MAP2K5: variants seen among roughly 807,000 people sequenced by gnomAD.
MAP2K5 encodes the protein dual specificity mitogen-activated protein kinase kinase 5.
In MAP2K5, 49 loss-of-function variants were observed where a neutral mutation model predicts 83.1. The observed-to-expected ratio is 0.59, with a 90% CI of 0.47 to 0.75. The LOEUF (loss-of-function observed/expected upper bound fraction) is 0.75, where lower values mean the gene tolerates loss of function less well. Ranked by LOEUF, MAP2K5 falls within the 30% of genes least tolerant of loss-of-function variation. The probability of loss-of-function intolerance (pLI) is 0.00; values close to 1 mark genes in which losing one functional copy is unlikely to be tolerated. For synonymous variants in MAP2K5, 202 were observed against 191.8 expected (o/e 1.05, Z -0.44); for missense variants, 457 against 557.5 (o/e 0.82, Z 1.82).
At chr15:67,756,564 G>A (rs960697069) in intron 19 of MAP2K5, among the ~76,000 whole-genome samples, 8 of 41,818 alleles carry the variant, frequency 1.9e-4, no homozygotes, top group Non-Finnish European at 4.1e-4. Context: ...TGTGTGTGTT[G>A]ATAACACTTA....
At chr15:67,725,546 T>C (rs1474921913) in intron 16 of MAP2K5, among the ~76,000 whole-genome samples, 1 of 152,234 alleles carries the variant, frequency 6.6e-6, no homozygotes, top group East Asian at 1.9e-4. Flanking sequence ...AATTATTCCA[T>C]GGTCCCTGAT....
chr15:67,781,263 C>T lies in MAP2K5; in HGVS notation c.1242+8511C>T, dbSNP rs990682001. Among the ~76,000 whole-genome samples, 7 of 152,158 alleles carry T rather than the reference C, an allele frequency of 4.6e-5. No individual in the cohort carries two copies. The highest frequency in any genetic ancestry group is 1.4e-4 in the African/African-American group (6 of 41,430). On this transcript the variant is annotated intron_variant, in intron 21 of 21. Transcript: ENST00000178640. This position sits in a 1 kb window ranked among gnomAD's most constrained non-coding sequence, Gnocchi z 4.0. ...GATGCAGTTCTTATCAATTATTAACCAGTCTAACCAGGAATTTTAAGAGCT... is the reference window on the plus strand; with the variant it reads ...GATGCAGTTCTTATCAATTATTAACTAGTCTAACCAGGAATTTTAAGAGCT...
intron 4 of MAP2K5, among the ~76,000 whole-genome samples, chr15:67,582,252 G>A (rs1371261945): frequency 6.6e-6 from 1 of 151,876 alleles, no homozygotes; most frequent in African/African-American, 2.4e-5. Flanking sequence ...AGCAGAGACA[G>A]GGTTTTACCA....
chr15:67,805,879 C>T (rs546487293), intron 21 of MAP2K5, among the ~76,000 whole-genome samples: 1 of 152,326 alleles, frequency 6.6e-6, no homozygotes, highest in African/African-American at 2.4e-5. Context: ...TTTTTCTGAC[C>T]TTCCCTGGGA....
In MAP2K5 at chr15:67,728,985, G is replaced by C. The variant is rs916875117; in HGVS notation, c.1074+1040G>C. Among the ~76,000 whole-genome samples the C allele has an allele frequency of 3.9e-5, 6 of 152,220 alleles. No homozygotes were observed. The South Asian group carries it at 6.2e-4, about 16-fold the overall frequency. On this transcript the variant is annotated intron_variant, in intron 17 of 21. Coordinates refer to ENST00000178640, the MANE Select transcript of MAP2K5 (RefSeq NM_145160.3). ...TTTGCTTTCATAGTTAAAGCCATCAGATAAGTGGAAGAGAAATCGTCCAAG... is the reference window on the plus strand; with the variant it reads ...TTTGCTTTCATAGTTAAAGCCATCACATAAGTGGAAGAGAAATCGTCCAAG...
chr15:67,605,904 C>G (rs1324784864), intron 8 of MAP2K5, among the ~76,000 whole-genome samples: 1 of 152,228 alleles, frequency 6.6e-6, no homozygotes, highest in East Asian at 1.9e-4. Flanking sequence ...GAACATTCAC[C>G]TAGAAGAAAA....
At chr15:67,714,854 A>T (rs1311385558) in intron 16 of MAP2K5, among the ~76,000 whole-genome samples, 1 of 152,192 alleles carries the variant, frequency 6.6e-6, no homozygotes, top group African/African-American at 2.4e-5. Flanking sequence ...TAATGCAAAC[A>T]TTTCAAAATC....
Position 67,748,313 on chromosome 15 carries a change from C to T in MAP2K5, c.1101+56C>T. 7.1e-7 allele frequency: 1 copy of T among 1,416,080 alleles called. No homozygotes were observed. The highest frequency in any genetic ancestry group is 1.2e-5 in the South Asian group (1 of 85,072). The allele number at this position is 1,416,080 out of a possible 1,614,324, so 87.7% of individuals were successfully genotyped here. On this transcript the variant is annotated intron_variant, in intron 18 of 21. Transcript: ENST00000178640. This position sits in a 1 kb window ranked among gnomAD's most constrained non-coding sequence, Gnocchi z 4.0. Reference sequence around the variant, plus strand: ...CTTTTCTTTTTCCTGATGGCTGCTTCCTTTGCATGCTTGAATGCCTTGTTT... The same window carrying T: ...CTTTTCTTTTTCCTGATGGCTGCTTTCTTTGCATGCTTGAATGCCTTGTTT...
intron 1 of MAP2K5, among the ~76,000 whole-genome samples, chr15:67,544,218 T>C (rs1371328585): frequency 1.3e-5 from 2 of 152,192 alleles, no homozygotes; most frequent in African/African-American, 4.8e-5. Context: ...CATCATTGAA[T>C]GTAAGACATT....
chr15:67,748,737 A>T lies in MAP2K5; in HGVS notation c.1134+136A>T. The T allele has an allele frequency of 5.6e-6, 4 of 715,730 alleles. No homozygotes were observed. Among genetic ancestry groups the T allele is most frequent in the Non-Finnish European group, 9.3e-6 (4 of 431,502 alleles). The allele number at this position is 715,730 out of a possible 1,614,324, so 44.3% of individuals were successfully genotyped here. ...GTGTTGTATGGCTCTGAGCTATGTT[A>T]CGTGAACTGGCCTTGTCCTGAATCC... On this transcript the variant is annotated intron_variant, in intron 19 of 21. Transcript: ENST00000178640. The surrounding 1 kb of genome is among the most constrained non-coding windows in gnomAD (Gnocchi z 4.0).
rs1465560496 is a variant in MAP2K5 at position 67,749,228 on chromosome 15, A to G, written c.1134+627A>G. Among the ~76,000 whole-genome samples the G allele has an allele frequency of 6.6e-6, 1 of 152,180 alleles. No individual in the cohort carries two copies. The highest frequency in any genetic ancestry group is 1.5e-5 in the Non-Finnish European group (1 of 68,038). ...ACTGTTCCTTTGCCTTCATGGTGCT[A>G]ATCTACCTGCCTTTCTCTCTCAATC... On this transcript the variant is annotated intron_variant, in intron 19 of 21. Transcript: ENST00000178640. This position sits in a 1 kb window ranked among gnomAD's most constrained non-coding sequence, Gnocchi z 4.6.
Position 67,550,093 on chromosome 15 carries a change from C to A in MAP2K5, c.184+11C>A. 6.2e-7 allele frequency: 1 copy of A among 1,611,594 alleles called. No individual in the cohort carries two copies. Among genetic ancestry groups the A allele is most frequent in the Non-Finnish European group, 8.5e-7 (1 of 1,177,866 alleles). ...CTACAGCATTTGAATGTAAGTCTGG[C>A]TTGTATACTTTCTTGACTATTCCTT... On this transcript the variant is annotated intron_variant, in intron 2 of 21. Transcript: ENST00000178640.
intron 9 of MAP2K5, chr15:67,641,435 T>C (rs892201190): frequency 4.0e-6 from 4 of 988,918 alleles, no homozygotes; most frequent in Non-Finnish European, 3.7e-6. Context: ...TTTGCTCTCT[T>C]TCCCTTTAGT....
chr15:67,789,026 T>G (rs1283141654), intron 21 of MAP2K5, among the ~76,000 whole-genome samples: 10 of 151,904 alleles, frequency 6.6e-5, no homozygotes, highest in Non-Finnish European at 1.5e-5. Context: ...AAGAAGTTAG[T>G]CTCCTTCCAA....
chr15:67,553,332 C>G (rs901457505), intron 2 of MAP2K5, among the ~76,000 whole-genome samples: 3 of 152,172 alleles, frequency 2.0e-5, no homozygotes, highest in African/African-American at 7.2e-5. Context: ...ATAGATAAAC[C>G]TCTACTACTC....
At chr15:67,686,428 G>A (rs886603464) in intron 13 of MAP2K5, among the ~76,000 whole-genome samples, 11 of 151,958 alleles carry the variant, frequency 7.2e-5, no homozygotes, top group East Asian at 1.9e-4. Context: ...GCAACATGGT[G>A]AAACCCCCGT....
chr15:67,775,993 A>C lies in MAP2K5; in HGVS notation c.1242+3241A>C, dbSNP rs576603882. On this transcript the variant is annotated intron_variant, in intron 21 of 21. Coordinates refer to ENST00000178640, the MANE Select transcript of MAP2K5 (RefSeq NM_145160.3). This position sits in a 1 kb window ranked among gnomAD's most constrained non-coding sequence, Gnocchi z 5.3. ...CCCTGGGAACACCACACTTATCCAC[A>C]TGGATCTTTTTTCTTGAGTGAATTC... Among the ~76,000 whole-genome samples, 9 of 152,258 alleles carry C rather than the reference A, an allele frequency of 5.9e-5. No homozygotes were observed. The highest frequency in any genetic ancestry group is 2.2e-4 in the African/African-American group (9 of 41,544).
intron 16 of MAP2K5, among the ~76,000 whole-genome samples, chr15:67,705,052 T>G (rs924829939): frequency 2.6e-5 from 4 of 152,208 alleles, no homozygotes; most frequent in African/African-American, 7.2e-5. Flanking sequence ...ACTAACATTC[T>G]ATGACTGTGC....
Position 67,717,468 on chromosome 15 carries a change from TAA to T in MAP2K5, c.1045-10445_1045-10444del, listed in dbSNP as rs1253994433. On this transcript the variant is annotated intron_variant, in intron 16 of 21. Transcript: ENST00000178640. The surrounding 1 kb of genome is among the most constrained non-coding windows in gnomAD (Gnocchi z 4.1). ...CTTGACTAATAGGTAGAAAGAAAAGTAAAAGTGCAATGGAAACATGTAGAACT... is the reference window on the plus strand; with the variant it reads ...CTTGACTAATAGGTAGAAAGAAAAGTAAGTGCAATGGAAACATGTAGAACT... 6.6e-6 allele frequency among the ~76,000 whole-genome samples: 1 copy of T among 152,132 alleles called. No homozygotes were observed. The highest frequency in any genetic ancestry group is 1.5e-5 in the Non-Finnish European group (1 of 68,012).
Sources: gnomAD v4.1 joint callset for allele counts (sites outside exome capture counted in the v4.1 genomes callset) on GRCh38, gnomAD v4.1.1 for gene constraint, Gnocchi (gnomAD v3.1) non-coding constraint, MANE v1.5 for transcripts, NCBI Gene and HGNC (gene_info 2026-07-23, HGNC 2026-07-21) for gene names.